The following STK24 variants were observed in gnomAD, a reference collection of about 807,000 sequenced individuals.
The protein encoded by STK24 is serine/threonine-protein kinase 24.
STK24 carries 21 observed loss-of-function variants against 55.6 expected under a neutral mutation model. The ratio of observed to expected loss-of-function variants is 0.38; its 90% CI spans 0.27 to 0.54. STK24 has a LOEUF of 0.54. STK24 is among the 20% of genes least tolerant of loss of function. The pLI is 0.79. For synonymous variants in STK24, 200 were observed against 215.2 expected, an observed-to-expected ratio of 0.93 and a Z score of 0.62; for missense variants, 383 against 538.4, an observed-to-expected ratio of 0.71 and a Z score of 2.86.
chr13:98,556,223 G>C lies in STK24; in HGVS notation c.42+20522C>G, dbSNP rs117002333. Among the ~76,000 whole-genome samples the C allele has an allele frequency of 9.5e-3, 1,446 of 152,304 alleles. 6 individuals carry two copies. The highest frequency in any genetic ancestry group is 0.014 in the Non-Finnish European group (938 of 68,018). ...CAGAGCCCCACTCCTCTTGCCACAG[G>C]GATCAGTCCAGGGTTAAGGACTATG... is the stretch of plus-strand genomic sequence containing the variant. On this transcript the variant is annotated intron_variant, in intron 1 of 10. Coordinates refer to ENST00000539966, the MANE Select transcript of STK24 (RefSeq NM_001032296.4).
At chr13:98,533,592 A>G (rs545235957) in intron 1 of STK24, among the ~76,000 whole-genome samples, 6 of 147,402 alleles carry the variant, frequency 4.1e-5, no homozygotes, top group Non-Finnish European at 9.0e-5. Context: ...TGAGGCTGCA[A>G]TGAGTTATGA....
intron 5 of STK24, among the ~76,000 whole-genome samples, chr13:98,470,624 C>A (rs962434863): frequency 6.6e-6 from 1 of 152,166 alleles, no homozygotes; most frequent in South Asian, 2.1e-4. Context: ...ACATTAACTG[C>A]GAACGAATCT....
chr13:98,489,819 A>G (rs1209359706), intron 2 of STK24, among the ~76,000 whole-genome samples: 1 of 152,244 alleles, frequency 6.6e-6, no homozygotes, highest in African/African-American at 2.4e-5. Context: ...AGTTAATTTA[A>G]TAAGCAATGG....
chr13:98,542,975 C>T, intron 1 of STK24: 3 of 985,384 alleles, frequency 3.0e-6, no homozygotes, highest in Non-Finnish European at 3.6e-6. Context: ...AGATCCACCA[C>T]TTCCTGTAGC....
At chr13:98,505,364 A>G (rs1378483989) in intron 2 of STK24, among the ~76,000 whole-genome samples, 5 of 152,266 alleles carry the variant, frequency 3.3e-5, no homozygotes, top group Admixed American at 6.5e-5. Flanking sequence ...TGTTGGAAAT[A>G]TATGATCAAT....
At chr13:98,566,069 G>A (rs1369015879) in intron 1 of STK24, among the ~76,000 whole-genome samples, 3 of 151,816 alleles carry the variant, frequency 2.0e-5, no homozygotes, top group African/African-American at 4.8e-5. Context: ...CAGCCCCTCC[G>A]GCACAGGACC....
intron 1 of STK24, among the ~76,000 whole-genome samples, chr13:98,538,222 CTTTTT>C (rs55720452): frequency 1.1e-4 from 10 of 91,634 alleles, no homozygotes; most frequent in South Asian, 8.5e-4. Flanking sequence ...TTGGTGCTTG[CTTTTT>C]TTTTTTTTTT....
intron 1 of STK24, among the ~76,000 whole-genome samples, chr13:98,522,904 T>A (rs1594637762): frequency 6.6e-6 from 1 of 152,180 alleles, no homozygotes; most frequent in Non-Finnish European, 1.5e-5. Flanking sequence ...GGGAAAGCCC[T>A]TCCTGCTGAC....
At chr13:98,555,722 C>T (rs1381586462) in intron 1 of STK24, among the ~76,000 whole-genome samples, 1 of 144,054 alleles carries the variant, frequency 6.9e-6, no homozygotes, top group African/African-American at 2.6e-5. Context: ...GCTCAGTCAC[C>T]CAGACTGGAG....
chr13:98,565,085 T>C (rs1417659245), intron 1 of STK24, among the ~76,000 whole-genome samples: 2 of 152,212 alleles, frequency 1.3e-5, no homozygotes, highest in Non-Finnish European at 2.9e-5. Flanking sequence ...TAGCTTGCTC[T>C]GCTTTTCAAA....
At chr13:98,494,279 G>A (rs1227695509) in intron 2 of STK24, among the ~76,000 whole-genome samples, 5 of 148,356 alleles carry the variant, frequency 3.4e-5, no homozygotes, top group Non-Finnish European at 7.5e-5. Context: ...GCGTAGTGGC[G>A]GGCACCTGTA....
At chr13:98,453,260 G>A (rs1893286259) in intron 10 of STK24, 51 bp from the exon 11 acceptor site, 3 of 1,576,400 alleles carry the variant, frequency 1.9e-6, no homozygotes, top group Admixed American at 1.9e-5. Flanking sequence ...TCTCATCCCT[G>A]TGCAAAAATT....
intron 1 of STK24, among the ~76,000 whole-genome samples, chr13:98,563,250 G>A (rs577024568): frequency 6.6e-6 from 1 of 152,168 alleles, no homozygotes; most frequent in Non-Finnish European, 1.5e-5. Context: ...TGTGTACCCA[G>A]AATACCGATG....
rs542624091 is a variant in STK24 at position 98,473,615 on chromosome 13, A to G, written c.597+1206T>C. Among the ~76,000 whole-genome samples the G allele has an allele frequency of 2.0e-5, 3 of 152,278 alleles. 1 individual carries two copies. The South Asian group carries it at 6.2e-4, about 32-fold the overall frequency. On this transcript the variant is annotated intron_variant, in intron 5 of 10. Coordinates refer to ENST00000539966, the MANE Select transcript of STK24 (RefSeq NM_001032296.4). ...CGTGGGGTAGAGACACTCCCAGGCAAGGGCACACACCCAAGACCAGCCAGG... is the reference window on the plus strand; with the variant it reads ...CGTGGGGTAGAGACACTCCCAGGCAGGGGCACACACCCAAGACCAGCCAGG...
At chr13:98,474,156 A>C (rs972790292) in intron 5 of STK24, among the ~76,000 whole-genome samples, 1 of 152,184 alleles carries the variant, frequency 6.6e-6, no homozygotes, top group African/African-American at 2.4e-5. Context: ...AGAGTTCACA[A>C]AAGTGGAGGG....
intron 1 of STK24, among the ~76,000 whole-genome samples, chr13:98,544,409 C>T (rs995608075): frequency 3.3e-5 from 5 of 152,264 alleles, no homozygotes; most frequent in Admixed American, 2.6e-4. Context: ...GCACTGTGGG[C>T]CCCAGGCAAC....
At chr13:98,512,513 A>G (rs1895917390) in intron 2 of STK24, among the ~76,000 whole-genome samples, 1 of 152,086 alleles carries the variant, frequency 6.6e-6, no homozygotes, top group African/African-American at 2.4e-5. Context: ...CTAAAAATAC[A>G]CATCATGTCT....
intron 1 of STK24, chr13:98,553,409 G>C (rs1897204289): frequency 6.5e-6 from 1 of 152,844 alleles, no homozygotes; most frequent in Non-Finnish European, 1.5e-5. Context: ...CAAAGAGAAA[G>C]GAAAGGTGAA....
In STK24 at chr13:98,463,792, G is replaced by A. The variant is rs754951091; in HGVS notation, c.828C>T (p.Arg276=). The change falls in exon 7 of 11, where the codon CGC becomes CGT. Residue 276 remains arginine (R), a synonymous_variant. Coordinates refer to ENST00000539966, the MANE Select transcript of STK24 (RefSeq NM_001032296.4). The part of the protein sequence containing the change: ...KELLKHKFIL[R]NAKKTSYLTE... The stretch of plus-strand genomic sequence containing the variant: ...TCAAGTAGGAAGTTTTCTTTGCATT[G>A]CGTAGTATAAACTTGTGCTTCAATA... 20 of 1,614,036 alleles carry A rather than the reference G, an allele frequency of 1.2e-5. No homozygotes were observed. The highest frequency in any genetic ancestry group is 1.4e-5 in the Non-Finnish European group (16 of 1,180,028).
Sources: gnomAD v4.1 joint callset for allele counts (sites outside exome capture counted in the v4.1 genomes callset) on GRCh38, gnomAD v4.1.1 for gene constraint, MANE v1.5 for transcripts, NCBI Gene and HGNC (gene_info 2026-07-23, HGNC 2026-07-21) for gene names.